The following MLLT6 variants were observed in gnomAD, a reference collection of about 807,000 sequenced individuals.
The protein encoded by MLLT6 is protein AF-17.
In MLLT6, 22 loss-of-function variants were observed where a neutral mutation model predicts 103.0. The observed-to-expected ratio is 0.21, with a 90% CI of 0.15 to 0.31. The LOEUF is 0.31. Among genes scored for constraint, MLLT6 ranks in the 10% least tolerant of loss-of-function variants. MLLT6 has a pLI of 1.00. For missense variants in MLLT6, 1,199 were observed against 1,441.7 expected, an observed-to-expected ratio of 0.83 and a Z score of 2.73; for synonymous variants, 606 against 623.5, an observed-to-expected ratio of 0.97 and a Z score of 0.42.
Position 38,715,732 on chromosome 17 carries a change from A to G in MLLT6, c.940A>G (p.Lys314Glu). 6.2e-7 allele frequency: 1 copy of G among 1,614,178 alleles called. No homozygotes were observed. Among genetic ancestry groups the G allele is most frequent in the East Asian group, 2.2e-5 (1 of 44,886 alleles). Residue 314 changes from lysine (K) to glutamate (E), a missense_variant, in exon 9 of 20, where the codon AAA becomes GAA. Around this residue, in one of 7 missense-constraint regions of MLLT6, gnomAD observed 1,034 missense variants for 1,091.5 expected, o/e 0.95. Coordinates refer to ENST00000621332, the MANE Select transcript of MLLT6 (RefSeq NM_005937.4). The stretch of plus-strand genomic sequence containing the variant: ...CCATAGCCTGAGTCATAAAGGGAAG[A>G]AACTGAGCAGTGGGAAAGGTGTGAG... ...SSHSLSHKGK[K>E]LSSGKGVSSF... is the part of the protein sequence containing the mutation.
In MLLT6 at chr17:38,719,772, G is replaced by C; in HGVS notation, c.2032G>C (p.Ala678Pro). ...SSMSPISSLP[A>P]LFDQTASAPC... ...CAGGTCCCCCATCAGCAGCCTCCCC[G>C]CACTCTTCGACCAGACAGCCTCTGC... The change falls in exon 14 of 20, where the codon GCA becomes CCA. Residue 678 changes from alanine (A) to proline (P), a missense_variant. By Grantham distance (27) the Ala-to-Pro change is conservative. Coordinates refer to ENST00000621332, the MANE Select transcript of MLLT6 (RefSeq NM_005937.4). The C allele has an allele frequency of 6.2e-7, 1 of 1,613,074 alleles. No homozygotes were observed.
intron 13 of MLLT6, 25 bp downstream of exon 13, chr17:38,719,608 AG>A: frequency 6.3e-7 from 1 of 1,590,260 alleles, no homozygotes; most frequent in Non-Finnish European, 8.6e-7. Flanking sequence ...AGCCTGGAGG[AG>A]GGGCTGGGGG....
chr17:38,722,673 C>A lies in MLLT6; in HGVS notation c.2793-5C>A. ...TCCCCCCCCCACCCCCCACCCCCAC[C>A]TCAGCCTTACAGAGCAGCAGAGACA... On this transcript the variant is annotated splice_polypyrimidine_tract_variant and splice_region_variant and intron_variant, in intron 17 of 19. Transcript: ENST00000621332. 2 of 920,176 alleles carry A rather than the reference C, an allele frequency of 2.2e-6. No homozygotes were observed. Among genetic ancestry groups the A allele is most frequent in the Non-Finnish European group, 3.3e-6 (2 of 599,380 alleles). 57.0% of individuals were successfully genotyped at this position (920,176 alleles called of 1,614,324 possible). A position where few individuals can be genotyped will look rare whatever the true frequency, so the allele number is the denominator to read the frequency against.
At chr17:38,725,314 C>T (rs1311666494) in intron 19 of MLLT6, 2 of 548,306 alleles carry the variant, frequency 3.6e-6, no homozygotes, top group African/African-American at 3.9e-5. Flanking sequence ...AGGCCCTCTC[C>T]CTCTCCTGAG....
chr17:38,721,892 C>A lies in MLLT6; in HGVS notation c.2457C>A (p.Gly819=). The A allele has an allele frequency of 6.3e-7, 1 of 1,577,944 alleles. No individual in the cohort carries two copies. Among genetic ancestry groups the A allele is most frequent in the Admixed American group, 1.7e-5 (1 of 57,754 alleles). ...LSTSSEDPHS[G]CPSRSSSSLS... ...TCCCTCCCCAGGACCCACACTCAGG[C>A]TGCCCGAGCCGCAGCAGCTCGTCGC... is the stretch of plus-strand genomic sequence containing the variant. The change falls in exon 17 of 20, where the codon GGC becomes GGA. Residue 819 remains glycine, a synonymous_variant. Coordinates refer to ENST00000621332, the MANE Select transcript of MLLT6 (RefSeq NM_005937.4).
In MLLT6 at chr17:38,728,477, G is replaced by T. The variant is rs1018860622; in HGVS notation, c.*2879G>T. The T allele has an allele frequency of 1.7e-5, 4 of 233,370 alleles. No homozygotes were observed. Among genetic ancestry groups the T allele is most frequent in the African/African-American group, 6.6e-5 (3 of 45,350 alleles). The allele number at this position is 233,370 out of a possible 1,614,324, so 14.5% of individuals were successfully genotyped here. A position where few individuals can be genotyped will look rare whatever the true frequency, so the allele number is the denominator to read the frequency against. On this transcript the variant is annotated 3_prime_UTR_variant, in exon 20 of 20. Coordinates refer to ENST00000621332, the MANE Select transcript of MLLT6 (RefSeq NM_005937.4). ...CGTGTGTTCCCACCCTCAGTGAGGA[G>T]GTGTGAGTGGGTGAGCATGTGGAGT...
chr17:38,705,439 A>C lies in MLLT6; in HGVS notation c.-194A>C. On this transcript the variant is annotated 5_prime_UTR_variant, in exon 1 of 20. Transcript: ENST00000621332. The stretch of plus-strand genomic sequence containing the variant: ...AGCACGGCGGGGGGGGCGGCCAGAC[A>C]GAGCGAGCGAGGAGGAGGAGGAGGA... 5 of 378,864 alleles carry C rather than the reference A, an allele frequency of 1.3e-5. No homozygotes were observed. In the East Asian group the frequency reaches 1.4e-4, roughly 11 times the overall value. The allele number at this position is 378,864 out of a possible 1,614,324, so 23.5% of individuals were successfully genotyped here.
rs747352822 is a variant in MLLT6 at position 38,724,897 on chromosome 17, C to T, written c.3161C>T (p.Pro1054Leu). 9.6e-6 allele frequency: 15 copies of T among 1,555,058 alleles called. No homozygotes were observed. In the South Asian group the frequency reaches 1.8e-4, roughly 18 times the overall value. ...AAAAVAAAGG[P>L]PVLTAQTNPF... is the part of the protein sequence containing the mutation. ...GCAGCAGTAGCAGCAGCAGGCGGAC[C>T]TCCAGTCCTCACTGCCCAGACCAAC... The change falls in exon 19 of 20, where the codon CCT becomes CTT. Residue 1054 changes from proline (P) to leucine (L), a missense_variant. Physicochemically the swap from Pro to Leu is moderately conservative, Grantham distance 98. Around this residue, in one of 7 missense-constraint regions of MLLT6, gnomAD observed 55 missense variants for 93.3 expected, o/e 0.59. Coordinates refer to ENST00000621332, the MANE Select transcript of MLLT6 (RefSeq NM_005937.4). The surrounding 1 kb of genome is among the most constrained non-coding windows in gnomAD (Gnocchi z 5.4).
At chr17:38,715,055 G>A (rs1381919179) in intron 8 of MLLT6, among the ~76,000 whole-genome samples, 2 of 152,220 alleles carry the variant, frequency 1.3e-5, no homozygotes, top group African/African-American at 2.4e-5. Flanking sequence ...CCCAGGAAGA[G>A]TAAGGATAGG....
intron 16 of MLLT6, 48 bp downstream of exon 16, chr17:38,720,795 T>G (rs1173603589): frequency 6.5e-7 from 1 of 1,535,148 alleles, no homozygotes; most frequent in Non-Finnish European, 9.0e-7. Context: ...GACTCAAGGC[T>G]CTCCTGGTCC....
At position 38,727,441 on chromosome 17, in the gene MLLT6, C is replaced by T; in HGVS notation, c.*1843C>T. 4.4e-6 allele frequency: 1 copy of T among 225,836 alleles called. No homozygotes were observed. Among genetic ancestry groups the T allele is most frequent in the Non-Finnish European group, 8.8e-6 (1 of 113,456 alleles). The allele number at this position is 225,836 out of a possible 1,614,324, so 14.0% of individuals were successfully genotyped here. A position where few individuals can be genotyped will look rare whatever the true frequency, so the allele number is the denominator to read the frequency against. On this transcript the variant is annotated 3_prime_UTR_variant, in exon 20 of 20. Transcript: ENST00000621332. ...TAAATATGTTAGAAAGAAATGATAG[C>T]ATTCAGCATTTTATTCTTCTTAATC...
At chr17:38,707,368 C>T in intron 2 of MLLT6, 118 bp from the exon 3 acceptor site, 2 of 894,494 alleles carry the variant, frequency 2.2e-6, no homozygotes, top group Non-Finnish European at 3.6e-6. Context: ...CCTGTTTCCA[C>T]TGTAGCCCCA....
At chr17:38,712,074 T>G (rs1905160809) in intron 7 of MLLT6, 60 bp downstream of exon 7, 29 of 1,467,916 alleles carry the variant, frequency 2.0e-5, no homozygotes, top group Non-Finnish European at 2.6e-5. Context: ...CTCACAAACA[T>G]GGCTCAAAAA....
rs180819035 is a variant in MLLT6, at chr17:38,728,317, C to T, written c.*2719C>T. On this transcript the variant is annotated 3_prime_UTR_variant, in exon 20 of 20. Transcript: ENST00000621332. ...TGTAACGATCTCACCGTCTCCTAAC[C>T]TCAGTCCCTTTTTTGAGAGTGAATG... 16 of 233,374 alleles carry T rather than the reference C, an allele frequency of 6.9e-5. No homozygotes were observed. Among genetic ancestry groups the T allele is most frequent in the Admixed American group, 3.9e-4 (7 of 17,804 alleles). 14.5% of individuals were successfully genotyped at this position (233,374 alleles called of 1,614,324 possible). A position where few individuals can be genotyped will look rare whatever the true frequency, so the allele number is the denominator to read the frequency against.
chr17:38,712,844 A>T, intron 8 of MLLT6, 55 bp downstream of exon 8: 1 of 1,357,148 alleles, frequency 7.4e-7, no homozygotes, highest in East Asian at 2.3e-5. Flanking sequence ...TGGCAGAGGG[A>T]GGGAGGCGGG....
chr17:38,713,191 A>T, intron 8 of MLLT6: 1 of 608,400 alleles, frequency 1.6e-6, no homozygotes, highest in Non-Finnish European at 3.0e-6. Flanking sequence ...ACCCAACCCA[A>T]ATCCCACTCT....
chr17:38,718,141 G>A (rs958132400), intron 12 of MLLT6, 188 bp downstream of exon 12: 5 of 503,548 alleles, frequency 9.9e-6, no homozygotes, highest in African/African-American at 2.0e-5. Context: ...TTGGGAGGCC[G>A]AGGCGGGTGG....
At chr17:38,720,340 C>T (rs759479803) in intron 14 of MLLT6, 32 bp from the exon 15 acceptor site, 2 of 1,551,066 alleles carry the variant, frequency 1.3e-6, no homozygotes, top group Non-Finnish European at 1.7e-6. Context: ...CGCCCCCTCG[C>T]CCCTCCCTCA....
intron 1 of MLLT6, chr17:38,706,601 G>A (rs751949993): frequency 1.8e-4 from 38 of 215,670 alleles, no homozygotes; most frequent in Non-Finnish European, 2.5e-4. Context: ...CGTGTTTGAC[G>A]GTCGTGACTG....
Sources: allele counts gnomAD v4.1 joint callset (sites outside exome capture counted in the v4.1 genomes callset), GRCh38; gene constraint gnomAD v4.1.1; regional missense constraint gnomAD v4.1.1; non-coding constraint Gnocchi (gnomAD v3.1); transcripts MANE v1.5; gene names NCBI Gene and HGNC (gene_info 2026-07-23, HGNC 2026-07-21).